The following MTMR3 variants were observed in gnomAD, a reference collection of about 807,000 sequenced individuals.
MTMR3 encodes the protein myotubularin related protein 3.
Under a neutral mutation model 132.4 loss-of-function variants are expected in MTMR3, and 32 were observed. That is an observed-to-expected ratio of 0.24 (90% CI 0.18 to 0.32). MTMR3 has a LOEUF of 0.32. Ranked by LOEUF, MTMR3 falls within the 10% of genes least tolerant of loss-of-function variation. The pLI is 1.00. For missense variants in MTMR3, 1,216 were observed against 1,489.6 expected (o/e 0.82, Z 3.02); for synonymous variants, 556 against 550.3 (o/e 1.01, Z -0.14).
intron 1 of MTMR3, among the ~76,000 whole-genome samples, chr22:29,919,825 G>C (rs1653824517): frequency 6.6e-6 from 1 of 152,128 alleles, no homozygotes; most frequent in Admixed American, 6.5e-5. Context: ...ACTGCACCCA[G>C]CCTGGTTTTA....
chr22:29,948,582 G>T (rs1401029304), intron 1 of MTMR3, among the ~76,000 whole-genome samples: 4 of 152,092 alleles, frequency 2.6e-5, no homozygotes, highest in Admixed American at 6.5e-5. Context: ...AGTTCTAATG[G>T]CAAGCCAGCC....
intron 5 of MTMR3, chr22:29,987,313 A>C (rs1412517777): frequency 6.6e-6 from 1 of 152,178 alleles, no homozygotes; most frequent in Non-Finnish European, 1.5e-5. Context: ...AGTTTGCAGG[A>C]AGCTTGTTCC....
intron 7 of MTMR3, 112 bp from the exon 8 acceptor site, chr22:29,998,649 T>A (rs1022279331): frequency 2.0e-5 from 10 of 509,142 alleles, no homozygotes; most frequent in East Asian, 7.9e-5. Flanking sequence ...TCTCAAAAAA[T>A]ATATATATAT....
chr22:30,029,575 G>A lies in MTMR3; in HGVS notation c.*3774G>A, dbSNP rs1411189124. The stretch of plus-strand genomic sequence containing the variant: ...ATATACTTGCCTGCTTGCACATGAG[G>A]CTGGGAGATCCCATGCCTGTTGAAG... On this transcript the variant is annotated 3_prime_UTR_variant, in exon 20 of 20. Transcript: ENST00000401950. 2.0e-5 allele frequency: 3 copies of A among 152,304 alleles called. No homozygotes were observed. The highest frequency in any genetic ancestry group is 7.2e-5 in the African/African-American group (3 of 41,442). The allele number at this position is 152,304 out of a possible 1,614,324, so 9.4% of individuals were successfully genotyped here. A position where few individuals can be genotyped will look rare whatever the true frequency, so the allele number is the denominator to read the frequency against.
chr22:29,969,298 T>C (rs556265185), intron 2 of MTMR3, among the ~76,000 whole-genome samples: 2 of 152,320 alleles, frequency 1.3e-5, no homozygotes, highest in Admixed American at 1.3e-4. Flanking sequence ...ACAAAAAGCT[T>C]GACTTCTCTT....
intron 2 of MTMR3, among the ~76,000 whole-genome samples, chr22:29,962,701 A>C (rs763082876): frequency 1.3e-5 from 2 of 152,100 alleles, no homozygotes; most frequent in Non-Finnish European, 2.9e-5. Context: ...AGAACTTCAT[A>C]GCTGTCAACC....
At chr22:30,005,044 T>A (rs1408000440) in intron 9 of MTMR3, 1 of 152,242 alleles carries the variant, frequency 6.6e-6, no homozygotes, top group African/African-American at 2.4e-5. Flanking sequence ...GTAGTGCAGT[T>A]CACAGCTTTT....
intron 1 of MTMR3, among the ~76,000 whole-genome samples, chr22:29,918,753 A>G (rs573161964): frequency 6.6e-6 from 1 of 152,348 alleles, no homozygotes; most frequent in Non-Finnish European, 1.5e-5. Flanking sequence ...TTTTATCATA[A>G]TCTGTCTCAT....
In MTMR3 at chr22:30,019,429, C is replaced by T. The variant is rs748360533; in HGVS notation, c.1821-51C>T. 3.9e-6 allele frequency: 6 copies of T among 1,519,996 alleles called. No individual in the cohort carries two copies. In the South Asian group the frequency reaches 4.8e-5, roughly 12 times the overall value. The allele number at this position is 1,519,996 out of a possible 1,614,324, so 94.2% of individuals were successfully genotyped here. A position where few individuals can be genotyped will look rare whatever the true frequency, so the allele number is the denominator to read the frequency against. On this transcript the variant is annotated intron_variant, in intron 16 of 19. Transcript: ENST00000401950. ...TGTTAAAACCTATTGTCTCCTACTT[C>T]CTCCAAACAGTTTCCAAGATTTTCA...
At position 29,885,601 on chromosome 22, in the gene MTMR3, C is replaced by T. The variant is rs184209341; in HGVS notation, c.-138+2242C>T. On this transcript the variant is annotated intron_variant, in intron 1 of 19. Coordinates refer to ENST00000401950, the MANE Select transcript of MTMR3 (RefSeq NM_021090.4). ...GGCTTCTGGCTCATAAAGGGGTCCACTGAAGATGCTTCCCACCATTATGGT... is the reference window on the plus strand; with the variant it reads ...GGCTTCTGGCTCATAAAGGGGTCCATTGAAGATGCTTCCCACCATTATGGT... 2.7e-3 allele frequency among the ~76,000 whole-genome samples: 406 copies of T among 152,242 alleles called. 3 individuals carry two copies. Among genetic ancestry groups the T allele is most frequent in the African/African-American group, 9.3e-3 (388 of 41,556 alleles).
Position 30,013,368 on chromosome 22 carries a change from C to A in MTMR3, c.1330C>A (p.Leu444Ile), listed in dbSNP as rs724159919. 6.2e-7 allele frequency: 1 copy of A among 1,613,676 alleles called. No individual in the cohort carries two copies. The highest frequency in any genetic ancestry group is 1.7e-5 in the Admixed American group (1 of 59,984). ...YYRTIEGFQV[L>I]VEMEWLDFGH... ...TGCTTCCCTGCAGGGTTTCCAGGTC[C>A]TCGTGGAAATGGAGTGGCTGGATTT... Residue 444 changes from leucine (L) to isoleucine (I), a missense_variant, in exon 14 of 20, where the codon CTC becomes ATC. Leu to Ile is a conservative substitution (Grantham distance 5). Transcript: ENST00000401950.
chr22:29,988,437 A>C, intron 5 of MTMR3, 43 bp from the exon 6 acceptor site: 1 of 1,471,738 alleles, frequency 6.8e-7, no homozygotes. Flanking sequence ...TCCAGGGTCA[A>C]TGCCTTTTTG....
At chr22:29,972,605 C>G (rs2066556977) in intron 3 of MTMR3, among the ~76,000 whole-genome samples, 1 of 152,206 alleles carries the variant, frequency 6.6e-6, no homozygotes. Context: ...GAGTCTTGCT[C>G]TGTTGCCCAG....
chr22:30,008,293 CATA>C (rs2067319506), intron 11 of MTMR3: 3 of 362,000 alleles, frequency 8.3e-6, no homozygotes, highest in East Asian at 5.4e-5. Flanking sequence ...AGATCTTCCC[CATA>C]ATAAGACCTG....
At chr22:29,915,655 T>C (rs778194580) in intron 1 of MTMR3, among the ~76,000 whole-genome samples, 16 of 152,122 alleles carry the variant, frequency 1.1e-4, no homozygotes, top group Non-Finnish European at 2.1e-4. Flanking sequence ...AACTCCTGAC[T>C]TTAGGTGATC....
At chr22:30,018,376 T>C (rs1221327128) in intron 16 of MTMR3, 2 of 294,798 alleles carry the variant, frequency 6.8e-6, no homozygotes, top group Non-Finnish European at 1.2e-5. Flanking sequence ...TCCCCAGTGC[T>C]CTGTGCTCCT....
chr22:29,973,418 A>G (rs778596097), intron 3 of MTMR3, among the ~76,000 whole-genome samples: 4 of 152,210 alleles, frequency 2.6e-5, no homozygotes, highest in Non-Finnish European at 4.4e-5. Context: ...CCTTTTGGCA[A>G]TAATCCCAAG....
At chr22:29,929,657 G>T (rs530646049) in intron 1 of MTMR3, among the ~76,000 whole-genome samples, 12 of 151,916 alleles carry the variant, frequency 7.9e-5, no homozygotes, top group African/African-American at 2.7e-4. Context: ...CTACAGTTGC[G>T]TGCCACCATG....
chr22:29,919,334 T>C (rs943088431), intron 1 of MTMR3, among the ~76,000 whole-genome samples: 1 of 152,192 alleles, frequency 6.6e-6, no homozygotes, highest in African/African-American at 2.4e-5. Flanking sequence ...TACCATGGAT[T>C]TCTCACGTAT....
Sources: allele counts gnomAD v4.1 joint callset (sites outside exome capture counted in the v4.1 genomes callset), GRCh38; gene constraint gnomAD v4.1.1; transcripts MANE v1.5; gene names NCBI Gene and HGNC (gene_info 2026-07-23, HGNC 2026-07-21).